Variants in GART observed in about 807,000 individuals in gnomAD.
The protein encoded by GART is trifunctional purine biosynthetic protein adenosine-3.
GART carries 43 observed loss-of-function variants against 107.2 expected under a neutral mutation model. The observed-to-expected ratio is 0.40, with a 90% CI of 0.31 to 0.52. The LOEUF (loss-of-function observed/expected upper bound fraction) is 0.52. Among genes scored for constraint, GART ranks in the 20% least tolerant of loss-of-function variants. GART has a pLI of 0.52. For synonymous variants in GART, 434 were observed against 427.0 expected (o/e 1.02, Z -0.20); for missense variants, 1,107 against 1,206.5 (o/e 0.92, Z 1.22).
At chr21:33,532,833 A>G (rs1399882673) in intron 4 of GART, among the ~76,000 whole-genome samples, 2 of 152,208 alleles carry the variant, frequency 1.3e-5, no homozygotes, top group Non-Finnish European at 2.9e-5. Flanking sequence ...TACACAGACC[A>G]TTTCTGGGAG....
chr21:33,532,705 A>G (rs901357606), intron 4 of GART, among the ~76,000 whole-genome samples: 1 of 152,206 alleles, frequency 6.6e-6, no homozygotes, highest in Admixed American at 6.5e-5. Flanking sequence ...TACATAGGCA[A>G]TATCTTTGGA....
chr21:33,539,420 C>T, intron 1 of GART, 64 bp from the exon 2 acceptor site: 2 of 1,305,350 alleles, frequency 1.5e-6, no homozygotes, highest in African/African-American at 3.0e-5. Flanking sequence ...GGGACGGGCA[C>T]AGTGGCTCAT....
upstream of GART, chr21:33,542,138 A>AGCGCGGCACCG (rs1237188975): frequency 6.6e-6 from 1 of 151,124 alleles, no homozygotes; most frequent in Non-Finnish European, 1.5e-5. Context: ...GCGCGGGACC[A>AGCGCGGCACCG]GCGCGGCACC....
At chr21:33,537,892 C>T (rs2085333704) in intron 2 of GART, among the ~76,000 whole-genome samples, 2 of 152,162 alleles carry the variant, frequency 1.3e-5, no homozygotes, top group African/African-American at 4.8e-5. Context: ...TCTGAAGCCA[C>T]TGACAAGCTT....
intron 11 of GART, chr21:33,524,563 T>C (rs1353493653): frequency 1.6e-6 from 2 of 1,264,938 alleles, no homozygotes; most frequent in East Asian, 3.1e-5. Context: ...TTTGCTAAAC[T>C]TTCCAAACTT....
At position 33,504,965 on chromosome 21, in the gene GART, C is replaced by G. The variant is rs75890104; in HGVS notation, c.2726-438G>C. Reference sequence around the variant, plus strand: ...GCATTGTCTATTTTATATCACACCACAAGTGCTCTAACTACATTCACCTAA... The same window carrying G: ...GCATTGTCTATTTTATATCACACCAGAAGTGCTCTAACTACATTCACCTAA... On this transcript the variant is annotated intron_variant, in intron 20 of 21. Transcript: ENST00000381815. Among the ~76,000 whole-genome samples, 71 of 152,334 alleles carry G rather than the reference C, an allele frequency of 4.7e-4. 1 individual carries two copies. Among genetic ancestry groups the G allele is most frequent in the African/African-American group, 1.7e-3 (71 of 41,574 alleles).
In GART at chr21:33,539,101, C is replaced by T. The variant is rs2085358701; in HGVS notation, c.145+70G>A. The T allele has an allele frequency of 9.0e-6, 13 of 1,443,538 alleles. No homozygotes were observed. The East Asian group carries it at 1.4e-4, about 15-fold the overall frequency. The allele number at this position is 1,443,538 out of a possible 1,614,324, so 89.4% of individuals were successfully genotyped here. ...AGCCTATCTTTATTAACATAAAGTA[C>T]AGATATGGTTGACAGCATACCATTA... On this transcript the variant is annotated intron_variant, in intron 2 of 21. Transcript: ENST00000381815.
intron 11 of GART, 193 bp downstream of exon 11, chr21:33,524,576 G>C (rs529610326): frequency 8.2e-7 from 1 of 1,216,750 alleles, no homozygotes; most frequent in African/African-American, 2.1e-5. Flanking sequence ...CCAAACTTAC[G>C]CTATCATGAA....
At position 33,528,917 on chromosome 21, in the gene GART, T is replaced by C. The variant is rs2085127981; in HGVS notation, c.744A>G (p.Leu248=). The C allele has an allele frequency of 1.9e-6, 3 of 1,612,208 alleles. No homozygotes were observed. Among genetic ancestry groups the C allele is most frequent in the African/African-American group, 2.7e-5 (2 of 74,890 alleles). ...TCTGAAGAACAGTATCTTTAATTTTTAGTAATAGATCATTAGAAACCTGGA... is the reference window on the plus strand; with the variant it reads ...TCTGAAGAACAGTATCTTTAATTTTCAGTAATAGATCATTAGAAACCTGGA... ...PAPQVSNDLL[L]KIKDTVLQRT... is the part of the protein sequence containing the mutation. Residue 248 remains leucine (L), a synonymous_variant, in exon 8 of 22, where the codon CTA becomes CTG. Transcript: ENST00000381815.
intron 16 of GART, among the ~76,000 whole-genome samples, chr21:33,516,568 A>G (rs2084883728): frequency 6.6e-6 from 1 of 152,196 alleles, no homozygotes; most frequent in South Asian, 2.1e-4. Context: ...TTAACTAGAA[A>G]CCTGAGACTT....
intron 16 of GART, among the ~76,000 whole-genome samples, chr21:33,511,760 A>G (rs1455058629): frequency 6.6e-6 from 1 of 152,180 alleles, no homozygotes; most frequent in African/African-American, 2.4e-5. Flanking sequence ...GCTGAATTCC[A>G]GCAAAGGCCA....
intron 11 of GART, among the ~76,000 whole-genome samples, chr21:33,523,778 C>A (rs905645755): frequency 2.6e-5 from 4 of 151,928 alleles, no homozygotes; most frequent in African/African-American, 9.7e-5. Flanking sequence ...ACCAGCCCGG[C>A]CAACATGGTG....
chr21:33,516,776 A>C (rs1339903964), intron 16 of GART, among the ~76,000 whole-genome samples: 1 of 152,176 alleles, frequency 6.6e-6, no homozygotes, highest in East Asian at 1.9e-4. Flanking sequence ...ACTTTATGTA[A>C]GCCAATTACA....
chr21:33,535,121 G>T, intron 3 of GART, 104 bp downstream of exon 3: 3 of 756,286 alleles, frequency 4.0e-6, no homozygotes, highest in Non-Finnish European at 6.0e-6. Context: ...CTTTTTCCAA[G>T]ATAATATTAC....
intron 11 of GART, chr21:33,524,482 A>AC: frequency 2.6e-6 from 2 of 757,416 alleles, no homozygotes; most frequent in Non-Finnish European, 3.3e-6. Context: ...AGAGAGGAAG[A>AC]CCCTGTTAAA....
rs373129324 is a variant in GART, at chr21:33,522,795, C to T, written c.1299-513G>A. Among the ~76,000 whole-genome samples, 91 of 152,276 alleles carry T rather than the reference C, an allele frequency of 6.0e-4. 1 individual carries two copies. In the South Asian group the frequency reaches 0.016, roughly 26 times the overall value. On this transcript the variant is annotated intron_variant, in intron 11 of 21. Transcript: ENST00000381815. Reference sequence around the variant, plus strand: ...AATAACTCCCCATTCCCCACTACCCCAGACCCTGGCAACCATCTGTTTAAA... The same window carrying T: ...AATAACTCCCCATTCCCCACTACCCTAGACCCTGGCAACCATCTGTTTAAA...
At chr21:33,504,819 G>A (rs538816850) in intron 20 of GART, among the ~76,000 whole-genome samples, 11 of 152,156 alleles carry the variant, frequency 7.2e-5, no homozygotes, top group Non-Finnish European at 1.2e-4. Context: ...TTGCTGGCAC[G>A]TACTATTAAA....
At chr21:33,524,426 CT>C in intron 11 of GART, 1 of 577,462 alleles carries the variant, frequency 1.7e-6, no homozygotes, top group Non-Finnish European at 2.2e-6. Context: ...TGGCCTGTGC[CT>C]GTAGTCCCAG....
chr21:33,530,473 C>T (rs111993112), intron 7 of GART, among the ~76,000 whole-genome samples: 5 of 152,278 alleles, frequency 3.3e-5, no homozygotes, highest in South Asian at 2.1e-4. Context: ...TCCAAGACCA[C>T]GACAGGCTCC....
Sources: allele counts gnomAD v4.1 joint callset (sites outside exome capture counted in the v4.1 genomes callset), GRCh38; gene constraint gnomAD v4.1.1; transcripts MANE v1.5; gene names NCBI Gene and HGNC (gene_info 2026-07-23, HGNC 2026-07-21).